THSD7B: variants seen among roughly 807,000 people sequenced by gnomAD.
The protein encoded by THSD7B is thrombospondin type 1 domain containing 7B.
Under a neutral mutation model 213.6 loss-of-function variants are expected in THSD7B, and 138 were observed. The ratio of observed to expected loss-of-function variants is 0.65; its 90% CI spans 0.56 to 0.74. The LOEUF (loss-of-function observed/expected upper bound fraction) is 0.74, where lower values mean the gene tolerates loss of function less well. Among genes scored for constraint, THSD7B ranks in the 30% least tolerant of loss-of-function variants. The pLI is 0.00. For missense variants in THSD7B, 1,931 were observed against 1,991.5 expected (o/e 0.97, Z 0.58); for synonymous variants, 742 against 687.0 (o/e 1.08, Z -1.25).
intron 17 of THSD7B, among the ~76,000 whole-genome samples, chr2:137,615,739 G>A (rs1312011512): frequency 6.6e-6 from 1 of 151,958 alleles, no homozygotes; most frequent in Non-Finnish European, 1.5e-5. Context: ...TTTAAAAAAT[G>A]ATTTTCTCAT....
chr2:137,167,048 A>G (rs1300021074), intron 6 of THSD7B, among the ~76,000 whole-genome samples: 2 of 152,144 alleles, frequency 1.3e-5, no homozygotes, highest in South Asian at 2.1e-4. Context: ...TGAAGCTTCA[A>G]TATGCTCAGA....
At chr2:136,959,102 C>T (rs966262787) in intron 2 of THSD7B, among the ~76,000 whole-genome samples, 11 of 152,136 alleles carry the variant, frequency 7.2e-5, no homozygotes, top group Non-Finnish European at 1.3e-4. Context: ...CAGACAAAGT[C>T]CCAAGGAAAC....
At chr2:136,907,743 A>G (rs1321462544) in intron 2 of THSD7B, among the ~76,000 whole-genome samples, 2 of 152,232 alleles carry the variant, frequency 1.3e-5, no homozygotes, top group Non-Finnish European at 2.9e-5. Context: ...TTATGGTCTC[A>G]GATACTGACA....
chr2:137,365,513 A>G (rs1461334991), intron 12 of THSD7B, among the ~76,000 whole-genome samples: 1 of 152,252 alleles, frequency 6.6e-6, no homozygotes, highest in Non-Finnish European at 1.5e-5. Context: ...GCTAATATCC[A>G]GAATCTACAA....
At chr2:137,077,601 T>C (rs983060941) in intron 3 of THSD7B, among the ~76,000 whole-genome samples, 3 of 152,324 alleles carry the variant, frequency 2.0e-5, no homozygotes, top group Admixed American at 2.0e-4. Context: ...TTTTCATGTG[T>C]CTTTTGCTGC....
At chr2:137,571,040 A>C (rs1353881820) in intron 16 of THSD7B, among the ~76,000 whole-genome samples, 1 of 152,214 alleles carries the variant, frequency 6.6e-6, no homozygotes, top group Non-Finnish European at 1.5e-5. Context: ...ATGAATTTTA[A>C]CAATGTGAAC....
At chr2:137,143,888 T>G (rs1679640182) in intron 5 of THSD7B, among the ~76,000 whole-genome samples, 1 of 152,140 alleles carries the variant, frequency 6.6e-6, no homozygotes, top group South Asian at 2.1e-4. Flanking sequence ...ATCTGAATTT[T>G]TTTGATTTGT....
chr2:137,588,099 G>A (rs1681779951), intron 17 of THSD7B, among the ~76,000 whole-genome samples: 1 of 152,212 alleles, frequency 6.6e-6, no homozygotes, highest in Non-Finnish European at 1.5e-5. Flanking sequence ...TGCTAGCAAT[G>A]AGTGAGGCTC....
chr2:137,404,391 A>T (rs1432527841), intron 12 of THSD7B, among the ~76,000 whole-genome samples: 2 of 144,640 alleles, frequency 1.4e-5, no homozygotes, highest in Non-Finnish European at 3.0e-5. Flanking sequence ...GAACCCACCC[A>T]AATGCCCATC....
At chr2:136,850,272 C>T (rs1683078083) in intron 1 of THSD7B, among the ~76,000 whole-genome samples, 1 of 148,476 alleles carries the variant, frequency 6.7e-6, no homozygotes, top group Admixed American at 6.9e-5. Context: ...AATTATTTAT[C>T]CATTCTTTTC....
At position 137,028,263 on chromosome 2, in the gene THSD7B, G is replaced by A. The variant is rs373977889; in HGVS notation, c.140-28157G>A. ...ATGAGCATATGGAACTTTATACACT[G>A]CATTGGTTAGACAGTCATGCTGATA... On this transcript the variant is annotated intron_variant, in intron 2 of 27. Transcript: ENST00000409968. Among the ~76,000 whole-genome samples, 83 of 152,276 alleles carry A rather than the reference G, an allele frequency of 5.5e-4. 1 individual carries two copies. The highest frequency in any genetic ancestry group is 2.0e-3 in the African/African-American group (83 of 41,568).
chr2:137,213,098 G>A (rs552097778), intron 7 of THSD7B, among the ~76,000 whole-genome samples: 1 of 148,488 alleles, frequency 6.7e-6, no homozygotes, highest in South Asian at 2.2e-4. Context: ...GCCTAAATTT[G>A]AAGGAAGCTG....
At chr2:136,831,292 T>C (rs879438791) in intron 1 of THSD7B, among the ~76,000 whole-genome samples, 5 of 152,200 alleles carry the variant, frequency 3.3e-5, no homozygotes, top group Non-Finnish European at 7.3e-5. Context: ...TAGTACTTAA[T>C]ATTTGTATAA....
At chr2:136,895,921 T>G (rs1336595851) in intron 2 of THSD7B, among the ~76,000 whole-genome samples, 1 of 152,230 alleles carries the variant, frequency 6.6e-6, no homozygotes, top group African/African-American at 2.4e-5. Flanking sequence ...GGTTGCTCTA[T>G]ATTATAGCAT....
intron 15 of THSD7B, among the ~76,000 whole-genome samples, chr2:137,508,984 CT>C (rs1344654823): frequency 6.6e-6 from 1 of 152,076 alleles, no homozygotes; most frequent in Non-Finnish European, 1.5e-5. Context: ...AGTTCCAAGG[CT>C]TACCACTATG....
intron 17 of THSD7B, among the ~76,000 whole-genome samples, chr2:137,593,147 A>T (rs1681897086): frequency 6.6e-6 from 1 of 151,908 alleles, no homozygotes; most frequent in Non-Finnish European, 1.5e-5. Flanking sequence ...GGATTATAGC[A>T]TCATTTATTT....
At chr2:137,527,460 TAAA>T (rs1558827856) in intron 15 of THSD7B, among the ~76,000 whole-genome samples, 1 of 152,140 alleles carries the variant, frequency 6.6e-6, no homozygotes, top group African/African-American at 2.4e-5. Context: ...GTCATAATAA[TAAA>T]AAGCCAAGGT....
chr2:137,582,409 A>G (rs879307946), intron 17 of THSD7B, among the ~76,000 whole-genome samples: 16 of 152,274 alleles, frequency 1.1e-4, no homozygotes, highest in Admixed American at 7.8e-4. Context: ...TTACATATGT[A>G]TCCATGTGCC....
At chr2:137,451,117 C>A in intron 15 of THSD7B, 94 bp downstream of exon 15, 2 of 1,317,834 alleles carry the variant, frequency 1.5e-6, no homozygotes, top group South Asian at 1.8e-5. Flanking sequence ...TTACAAGGAG[C>A]TCATTAAAAG....
Sources: gnomAD v4.1 joint callset for allele counts (sites outside exome capture counted in the v4.1 genomes callset) on GRCh38, gnomAD v4.1.1 for gene constraint, MANE v1.5 for transcripts, NCBI Gene and HGNC (gene_info 2026-07-23, HGNC 2026-07-21) for gene names.